The following PCDH7 variants were observed in gnomAD, a reference collection of about 807,000 sequenced individuals.
PCDH7 encodes protocadherin 7.
Under a neutral mutation model 58.9 loss-of-function variants are expected in PCDH7, and 17 were observed. That is an observed-to-expected ratio of 0.29 (90% CI 0.20 to 0.43). The LOEUF (loss-of-function observed/expected upper bound fraction) is 0.43, where lower values mean the gene tolerates loss of function less well. Ranked by LOEUF, PCDH7 falls within the 20% of genes least tolerant of loss-of-function variation. The pLI is 1.00. For missense variants in PCDH7, 1,274 were observed against 1,441.0 expected (o/e 0.88, Z 1.88); for synonymous variants, 664 against 616.4 (o/e 1.08, Z -1.14).
intron 1 of PCDH7, among the ~76,000 whole-genome samples, chr4:30,887,093 C>A (rs894523586): frequency 1.3e-5 from 2 of 151,482 alleles, no homozygotes; most frequent in African/African-American, 4.9e-5. Context: ...AACTAACCTG[C>A]ACAATGTGCA....
intron 1 of PCDH7, among the ~76,000 whole-genome samples, chr4:30,770,965 G>A (rs185114435): frequency 2.0e-5 from 3 of 152,206 alleles, no homozygotes; most frequent in Admixed American, 6.5e-5. Flanking sequence ...GAGTAAGCAG[G>A]CAGTTTATGT....
intron 3 of PCDH7, among the ~76,000 whole-genome samples, chr4:31,041,746 A>G (rs1170216146): frequency 6.6e-6 from 1 of 152,120 alleles, no homozygotes; most frequent in African/African-American, 2.4e-5. Context: ...CATCCAATCA[A>G]TATGCTTCTT....
chr4:30,848,161 C>T (rs1336498916), intron 1 of PCDH7, among the ~76,000 whole-genome samples: 2 of 152,100 alleles, frequency 1.3e-5, no homozygotes, highest in African/African-American at 4.8e-5. Context: ...TCTGGACTAA[C>T]TTCTTTCTGA....
chr4:30,826,597 T>C (rs1291099983), intron 1 of PCDH7, among the ~76,000 whole-genome samples: 2 of 152,102 alleles, frequency 1.3e-5, no homozygotes, highest in East Asian at 3.9e-4. Context: ...GAAATGGATA[T>C]GCCTCATCAA....
At chr4:31,132,216 T>C (rs1439768492) in intron 3 of PCDH7, among the ~76,000 whole-genome samples, 2 of 152,156 alleles carry the variant, frequency 1.3e-5, no homozygotes, top group African/African-American at 2.4e-5. Context: ...AAATGCTTTA[T>C]CATGGTTTAT....
Position 30,722,041 on chromosome 4 carries a change from C to A in PCDH7, c.619C>A (p.Pro207Thr). Reference sequence around the variant, plus strand: ...CGGGGCGGCCGACAGCGCCCCCTACCCCGGGGGCGGCGGGAACGGCGCGAG... The same window carrying A: ...CGGGGCGGCCGACAGCGCCCCCTACACCGGGGGCGGCGGGAACGGCGCGAG... The change falls in exon 1 of 2, where the codon CCC (proline) becomes ACC (threonine). Residue 207 changes from proline (P) to threonine (T), a missense_variant. This residue lies in a region of PCDH7 where 331 missense variants were observed against 303.2 expected (regional missense o/e 1.09). Transcript: ENST00000361762. The surrounding 1 kb of genome is among the most constrained non-coding windows in gnomAD (Gnocchi z 7.6). 4 of 1,241,646 alleles carry A rather than the reference C, an allele frequency of 3.2e-6. No homozygotes were observed. Among genetic ancestry groups the A allele is most frequent in the Non-Finnish European group, 4.0e-6 (4 of 994,860 alleles). 76.9% of individuals were successfully genotyped at this position (1,241,646 alleles called of 1,614,324 possible).
chr4:30,900,863 A>T lies in PCDH7; in HGVS notation c.71-19290A>T, dbSNP rs1740119215. Among the ~76,000 whole-genome samples, 5 of 152,208 alleles carry T rather than the reference A, an allele frequency of 3.3e-5. No individual in the cohort carries two copies. In the South Asian group the frequency reaches 1.0e-3, roughly 31 times the overall value. On this transcript the variant is annotated intron_variant, in intron 1 of 3. Coordinates refer to the PCDH7 transcript ENST00000509759. ...GGCACTCTATATTTGCAATATGATGATAAAAAATAGGGCTAGCACCAGTCT... is the reference window on the plus strand; with the variant it reads ...GGCACTCTATATTTGCAATATGATGTTAAAAAATAGGGCTAGCACCAGTCT...
intron 3 of PCDH7, among the ~76,000 whole-genome samples, chr4:31,054,662 T>C (rs1369020883): frequency 3.3e-5 from 5 of 152,126 alleles, no homozygotes; most frequent in Non-Finnish European, 5.9e-5. Flanking sequence ...TTCAAGGAAG[T>C]AATCTGAATA....
intron 1 of PCDH7, among the ~76,000 whole-genome samples, chr4:30,882,114 C>A (rs1486246903): frequency 7.0e-6 from 1 of 141,912 alleles, no homozygotes; most frequent in Non-Finnish European, 1.5e-5. Context: ...TCCCCCTCCT[C>A]CTCCTCCCGT....
chr4:30,728,350 G>T (rs987797784), intron 1 of PCDH7, among the ~76,000 whole-genome samples: 1 of 150,344 alleles, frequency 6.7e-6, no homozygotes, highest in African/African-American at 2.4e-5. Context: ...TAGTGGAAAT[G>T]CATCTACATA....
rs140874147 is a variant in PCDH7 at position 30,897,903 on chromosome 4, G to T, written c.71-22250G>T. The stretch of plus-strand genomic sequence containing the variant: ...TATATATGATTCTTTGGCAATAATG[G>T]AAAATATCTGTACAGCTTGGTATAA... On this transcript the variant is annotated intron_variant, in intron 1 of 3. Transcript: ENST00000509759. 1.4e-4 allele frequency among the ~76,000 whole-genome samples: 22 copies of T among 152,262 alleles called. No individual in the cohort carries two copies. The East Asian group carries it at 4.3e-3, about 29-fold the overall frequency.
At chr4:31,010,177 G>A (rs1354322215) in intron 3 of PCDH7, among the ~76,000 whole-genome samples, 2 of 151,902 alleles carry the variant, frequency 1.3e-5, no homozygotes, top group East Asian at 3.9e-4. Flanking sequence ...GGAGGGTTTT[G>A]CAATTCATGT....
At chr4:30,781,537 A>ATT (rs753467213) in intron 1 of PCDH7, among the ~76,000 whole-genome samples, 24 of 131,916 alleles carry the variant, frequency 1.8e-4, no homozygotes, top group African/African-American at 5.0e-4. Flanking sequence ...CTATCTCTCT[A>ATT]TTTTTTTTTT....
At chr4:30,810,180 T>A (rs1437954161) in intron 1 of PCDH7, among the ~76,000 whole-genome samples, 1 of 152,216 alleles carries the variant, frequency 6.6e-6, no homozygotes, top group Non-Finnish European at 1.5e-5. Context: ...GATGTTCACT[T>A]CTCATAATAA....
downstream of PCDH7, among the ~76,000 whole-genome samples, chr4:30,735,190 CT>C (rs1716081733): frequency 6.6e-6 from 1 of 152,096 alleles, no homozygotes; most frequent in Non-Finnish European, 1.5e-5. Flanking sequence ...ATATCATTAT[CT>C]GGAGAAGATG....
chr4:30,765,668 G>T (rs1577709001), intron 1 of PCDH7, among the ~76,000 whole-genome samples: 1 of 152,278 alleles, frequency 6.6e-6, no homozygotes, highest in East Asian at 1.9e-4. Context: ...AAATCCTATG[G>T]TGTAAAAAGA....
chr4:30,829,957 T>C (rs932159336), intron 1 of PCDH7, among the ~76,000 whole-genome samples: 2 of 152,108 alleles, frequency 1.3e-5, no homozygotes, highest in Non-Finnish European at 2.9e-5. Context: ...GGCTAGTAAA[T>C]CATGATTGCA....
chr4:30,725,006 A>G, intron 1 of PCDH7: 10 of 1,013,488 alleles, frequency 9.9e-6, no homozygotes, highest in Non-Finnish European at 1.2e-5. Flanking sequence ...TTCTAAAGTT[A>G]CTACTGGTGT....
intron 1 of PCDH7, among the ~76,000 whole-genome samples, chr4:30,846,103 A>G (rs1297133069): frequency 6.6e-6 from 1 of 152,184 alleles, no homozygotes; most frequent in African/African-American, 2.4e-5. Context: ...AGTGATAGCT[A>G]TAACTAAAAC....
Sources: gnomAD v4.1 joint callset for allele counts (sites outside exome capture counted in the v4.1 genomes callset) on GRCh38, gnomAD v4.1.1 for gene constraint, gnomAD v4.1.1 regional missense constraint, Gnocchi (gnomAD v3.1) non-coding constraint, MANE v1.5 for transcripts, NCBI Gene and HGNC (gene_info 2026-07-23, HGNC 2026-07-21) for gene names.